PRPF18: variants seen among roughly 807,000 people sequenced by gnomAD.
PRPF18 encodes pre-mRNA processing factor 18.
PRPF18 carries 38 observed loss-of-function variants against 46.5 expected under a neutral mutation model. The observed-to-expected ratio is 0.82, with a 90% CI of 0.63 to 1.07. The LOEUF (loss-of-function observed/expected upper bound fraction) is 1.07. Ranked by LOEUF, PRPF18 falls within the 50% of genes least tolerant of loss-of-function variation. The pLI, the probability that PRPF18 is intolerant of heterozygous loss-of-function variation, is 0.00. For missense variants in PRPF18, 263 were observed against 410.0 expected (o/e 0.64, Z 3.10); for synonymous variants, 152 against 146.7 (o/e 1.04, Z -0.26).
chr10:13,636,921 C>T, the PRPF18 span: 4 of 152,180 alleles, frequency 2.6e-5, no homozygotes, highest in South Asian at 6.2e-4. Context: ...AAAAAAGAAC[C>T]CCGTTTGCCT....
intron 9 of PRPF18, among the ~76,000 whole-genome samples, chr10:13,624,880 A>G (rs1043078164): frequency 3.3e-5 from 5 of 152,252 alleles, no homozygotes; most frequent in African/African-American, 9.6e-5. Context: ...ATTCAGCTCT[A>G]TAGTGCGTTA....
chr10:13,636,948 C>T, the PRPF18 span: 2 of 152,146 alleles, frequency 1.3e-5, no homozygotes, highest in African/African-American at 4.8e-5. Context: ...AACAATTTGC[C>T]TGTTTATAAA....
downstream of PRPF18, among the ~76,000 whole-genome samples, chr10:13,634,883 T>G (rs1156909725): frequency 6.6e-6 from 1 of 152,212 alleles, no homozygotes; most frequent in Non-Finnish European, 1.5e-5. Flanking sequence ...ATTTTTTTTT[T>G]GAATTTCAAA....
At chr10:13,595,946 A>G (rs1339608978) in intron 1 of PRPF18, among the ~76,000 whole-genome samples, 3 of 152,224 alleles carry the variant, frequency 2.0e-5, no homozygotes, top group Admixed American at 2.0e-4. Flanking sequence ...AAACCAAAAT[A>G]TGATCACACC....
intron 3 of PRPF18, among the ~76,000 whole-genome samples, chr10:13,603,542 A>G (rs2080145495): frequency 6.6e-6 from 1 of 152,194 alleles, no homozygotes; most frequent in African/African-American, 2.4e-5. Flanking sequence ...AGTGTTTTAC[A>G]GTAATAACTA....
downstream of PRPF18, chr10:13,631,858 C>T (rs2080592888): frequency 6.6e-6 from 1 of 152,252 alleles, no homozygotes; most frequent in Non-Finnish European, 1.5e-5. Context: ...TATTCTGGTT[C>T]CTCTTGGGAG....
rs534243397 is a variant in PRPF18, at chr10:13,608,785, G to A, written c.364-1254G>A. Among the ~76,000 whole-genome samples the A allele has an allele frequency of 5.9e-5, 9 of 152,294 alleles. No individual in the cohort carries two copies. The South Asian group carries it at 6.2e-4, about 11-fold the overall frequency. On this transcript the variant is annotated intron_variant, in intron 4 of 9. Coordinates refer to ENST00000378572, the MANE Select transcript of PRPF18 (RefSeq NM_003675.4). Reference sequence around the variant, plus strand: ...ACCTTTGTATGCCAAGTCCTGTGCCGTGCATCTAGAGGTTTTGAGGACAAA... The same window carrying A: ...ACCTTTGTATGCCAAGTCCTGTGCCATGCATCTAGAGGTTTTGAGGACAAA...
the PRPF18 span, chr10:13,654,631 G>A: frequency 6.1e-6 from 4 of 659,652 alleles, no homozygotes; most frequent in Non-Finnish European, 8.1e-6. Flanking sequence ...TTCCAGGGAT[G>A]CTGGGAAGGA....
chr10:13,653,794 A>C, the PRPF18 span: 1 of 153,852 alleles, frequency 6.5e-6, no homozygotes, highest in African/African-American at 2.4e-5. Context: ...CCAGTAGTTC[A>C]GAATAGCCTC....
At chr10:13,606,488 G>A (rs1211393933) in intron 4 of PRPF18, among the ~76,000 whole-genome samples, 1 of 152,196 alleles carries the variant, frequency 6.6e-6, no homozygotes, top group African/African-American at 2.4e-5. Context: ...TGTAATCCCA[G>A]CACTTTGGGA....
chr10:13,631,087 G>A (rs947635032), downstream of PRPF18: 1 of 152,282 alleles, frequency 6.6e-6, no homozygotes, highest in Non-Finnish European at 1.5e-5. Flanking sequence ...CAGGGAGAGT[G>A]GGGAAATTGT....
At chr10:13,647,968 A>C in the PRPF18 span, 6 of 152,210 alleles carry the variant, frequency 3.9e-5, no homozygotes, top group East Asian at 9.7e-4. Flanking sequence ...AAGGGACCCT[A>C]ACCCAAAGTA....
intron 9 of PRPF18, among the ~76,000 whole-genome samples, chr10:13,626,652 AAG>A (rs1156913768): frequency 1.3e-5 from 2 of 152,186 alleles, no homozygotes; most frequent in Non-Finnish European, 2.9e-5. Context: ...TGGAAAAACC[AAG>A]CACTGTCAGT....
At chr10:13,589,753 T>C (rs1210220689) in intron 1 of PRPF18, among the ~76,000 whole-genome samples, 3 of 152,220 alleles carry the variant, frequency 2.0e-5, no homozygotes, top group Non-Finnish European at 4.4e-5. Context: ...GTATGTGATG[T>C]AGTGTAAGTA....
chr10:13,623,425 A>T (rs1263335219), intron 9 of PRPF18, among the ~76,000 whole-genome samples: 1 of 152,222 alleles, frequency 6.6e-6, no homozygotes, highest in Non-Finnish European at 1.5e-5. Flanking sequence ...TTTGCAGTTT[A>T]TGACAGAATT....
chr10:13,594,908 A>C (rs192320906), intron 1 of PRPF18, among the ~76,000 whole-genome samples: 1 of 152,222 alleles, frequency 6.6e-6, no homozygotes. Context: ...AAACCATTCT[A>C]CTTTAGTATG....
chr10:13,621,455 G>A (rs926716552), intron 9 of PRPF18, among the ~76,000 whole-genome samples: 2 of 152,170 alleles, frequency 1.3e-5, no homozygotes, highest in Admixed American at 1.3e-4. Context: ...TCGGGTGGCT[G>A]TCTCCATACA....
At chr10:13,642,320 G>C in the PRPF18 span, 1 of 152,322 alleles carries the variant, frequency 6.6e-6, no homozygotes, top group African/African-American at 2.4e-5. Context: ...TGCACCAAAT[G>C]TGCAGTGAAA....
downstream of PRPF18, among the ~76,000 whole-genome samples, chr10:13,633,056 T>A (rs966482811): frequency 6.6e-6 from 1 of 152,212 alleles, no homozygotes; most frequent in Non-Finnish European, 1.5e-5. Flanking sequence ...TTTTTCAGTG[T>A]TGCAGCATAG....
Sources: allele counts gnomAD v4.1 joint callset (sites outside exome capture counted in the v4.1 genomes callset), GRCh38; gene constraint gnomAD v4.1.1; transcripts MANE v1.5; gene names NCBI Gene and HGNC (gene_info 2026-07-23, HGNC 2026-07-21).